Variants in GALNT13 observed in about 807,000 individuals in gnomAD.
The protein encoded by GALNT13 is polypeptide N-acetylgalactosaminyltransferase 13, also known as UDP-GalNAc:polypeptide N-acetylgalactosaminyltransferase 13.
Under a neutral mutation model 64.2 loss-of-function variants are expected in GALNT13, and 28 were observed. The observed-to-expected ratio is 0.44, with a 90% CI of 0.32 to 0.60. The LOEUF (loss-of-function observed/expected upper bound fraction) is 0.60. Ranked by LOEUF, GALNT13 falls within the 20% of genes least tolerant of loss-of-function variation. The pLI is 0.05. For missense variants in GALNT13, 577 were observed against 669.8 expected (o/e 0.86, Z 1.53); for synonymous variants, 214 against 224.6 (o/e 0.95, Z 0.42).
chr2:153,546,268 T>G, the GALNT13 span, among the ~76,000 whole-genome samples: 2 of 152,172 alleles, frequency 1.3e-5, no homozygotes, highest in Admixed American at 6.5e-5. Flanking sequence ...ATGGAAAACA[T>G]TAAAACGCTG....
the GALNT13 span, among the ~76,000 whole-genome samples, chr2:153,207,671 A>T: frequency 3.3e-5 from 5 of 152,182 alleles, no homozygotes; most frequent in Admixed American, 6.5e-5. Flanking sequence ...GATTTGGTTT[A>T]CAAGTATCCC....
At chr2:154,077,276 A>G (rs1079861) in intron 3 of GALNT13, among the ~76,000 whole-genome samples, 63,993 of 151,182 alleles carry the variant, frequency 0.42, 14,274 homozygotes, top group East Asian at 0.74. Context: ...GCAAGTTTTT[A>G]TAGGTTTACC....
At chr2:154,359,762 C>T (rs926876332) in intron 9 of GALNT13, among the ~76,000 whole-genome samples, 2 of 152,058 alleles carry the variant, frequency 1.3e-5, no homozygotes, top group African/African-American at 4.8e-5. Context: ...ACTGAAGATG[C>T]ATTGATTTGT....
At chr2:153,680,676 T>C in the GALNT13 span, among the ~76,000 whole-genome samples, 1 of 151,884 alleles carries the variant, frequency 6.6e-6, no homozygotes, top group Admixed American at 6.6e-5. Flanking sequence ...AGAGTGATCA[T>C]GAAAATTCTC....
the GALNT13 span, among the ~76,000 whole-genome samples, chr2:153,119,325 C>G: frequency 6.6e-6 from 1 of 152,074 alleles, no homozygotes; most frequent in Non-Finnish European, 1.5e-5. Context: ...TACCTTACCA[C>G]TTCTCAGTGT....
intron 9 of GALNT13, among the ~76,000 whole-genome samples, chr2:154,328,059 A>G (rs906718871): frequency 6.6e-6 from 1 of 152,142 alleles, no homozygotes; most frequent in Non-Finnish European, 1.5e-5. Flanking sequence ...AAACATTGAT[A>G]TGATAAAATG....
intron 4 of GALNT13, among the ~76,000 whole-genome samples, chr2:154,149,837 T>A (rs1351325495): frequency 6.6e-6 from 1 of 152,196 alleles, no homozygotes; most frequent in African/African-American, 2.4e-5. Context: ...GCTGAAACAA[T>A]AGAGTTTTCT....
chr2:153,708,632 A>C, the GALNT13 span, among the ~76,000 whole-genome samples: 1 of 152,164 alleles, frequency 6.6e-6, no homozygotes, highest in Admixed American at 6.6e-5. Context: ...TTGAAGACCC[A>C]AAGAGATTTT....
At chr2:153,073,089 GA>G in the GALNT13 span, among the ~76,000 whole-genome samples, 30,169 of 152,100 alleles carry the variant, frequency 0.2, 3,361 homozygotes, top group Non-Finnish European at 0.26. Context: ...CAGCCCTAAA[GA>G]AGCAGATCAT....
At chr2:154,226,338 A>T (rs1688617191) in intron 4 of GALNT13, among the ~76,000 whole-genome samples, 1 of 152,132 alleles carries the variant, frequency 6.6e-6, no homozygotes. Context: ...TCTATGATGC[A>T]CTAAATACAC....
At chr2:154,188,246 C>T (rs1053971723) in intron 4 of GALNT13, among the ~76,000 whole-genome samples, 4 of 152,006 alleles carry the variant, frequency 2.6e-5, no homozygotes, top group Non-Finnish European at 5.9e-5. Context: ...GATAAGAGGT[C>T]GGAGTAAGGG....
chr2:154,295,852 G>C (rs184960184), intron 8 of GALNT13, among the ~76,000 whole-genome samples: 1 of 152,232 alleles, frequency 6.6e-6, no homozygotes, highest in Non-Finnish European at 1.5e-5. Context: ...AAAACGGCAG[G>C]TCTTTTCTGA....
Position 153,916,127 on chromosome 2 carries a change from C to T in GALNT13, c.-105+15120C>T, listed in dbSNP as rs182995297. Among the ~76,000 whole-genome samples, 364 of 146,352 alleles carry T rather than the reference C, an allele frequency of 2.5e-3. 4 individuals carry two copies. Among genetic ancestry groups the T allele is most frequent in the African/African-American group, 8.3e-3 (326 of 39,352 alleles). ...TCCTTCCTTCCTCCCTTCCTTCCTT[C>T]GTTCCTTCCTTCCTTCCTTCCTTCC... On this transcript the variant is annotated intron_variant, in intron 2 of 12. Coordinates refer to ENST00000392825, the MANE Select transcript of GALNT13 (RefSeq NM_052917.4).
downstream of GALNT13, among the ~76,000 whole-genome samples, chr2:154,456,459 A>G (rs1351981963): frequency 6.6e-6 from 1 of 152,062 alleles, no homozygotes; most frequent in Non-Finnish European, 1.5e-5. Flanking sequence ...TGGAAAATAA[A>G]TGGTTAACAT....
At chr2:153,667,901 C>A in the GALNT13 span, among the ~76,000 whole-genome samples, 3 of 152,066 alleles carry the variant, frequency 2.0e-5, no homozygotes, top group Middle Eastern at 3.4e-3. Context: ...TCAATGACAC[C>A]TGTAGGCCCA....
chr2:154,041,027 G>A (rs1574394897), intron 3 of GALNT13, among the ~76,000 whole-genome samples: 2 of 139,082 alleles, frequency 1.4e-5, no homozygotes, highest in East Asian at 4.0e-4. Context: ...CTGCAGCTAA[G>A]GCATGGGATT....
At chr2:153,529,626 A>G in the GALNT13 span, among the ~76,000 whole-genome samples, 2 of 151,604 alleles carry the variant, frequency 1.3e-5, no homozygotes, top group African/African-American at 4.8e-5. Flanking sequence ...ACAGGCCAAT[A>G]TCTCATGAAT....
At chr2:154,430,260 A>C (rs1700652666) in intron 11 of GALNT13, among the ~76,000 whole-genome samples, 1 of 152,224 alleles carries the variant, frequency 6.6e-6, no homozygotes, top group African/African-American at 2.4e-5. Flanking sequence ...AATTCTAGAT[A>C]CCGTAAATAA....
At chr2:154,338,159 T>A (rs1366765971) in intron 9 of GALNT13, among the ~76,000 whole-genome samples, 2 of 152,102 alleles carry the variant, frequency 1.3e-5, no homozygotes, top group Non-Finnish European at 1.5e-5. Context: ...TCACATAATA[T>A]ATTTTTAACA....
Sources: allele counts gnomAD v4.1 joint callset (sites outside exome capture counted in the v4.1 genomes callset), GRCh38; gene constraint gnomAD v4.1.1; transcripts MANE v1.5; gene names NCBI Gene and HGNC (gene_info 2026-07-23, HGNC 2026-07-21).